RIC1: variants seen among roughly 807,000 people sequenced by gnomAD.
The protein encoded by RIC1 is RIC1 partner of RAB6A GEF complex.
RIC1 carries 88 observed loss-of-function variants against 169.0 expected under a neutral mutation model. The ratio of observed to expected loss-of-function variants is 0.52; its 90% CI spans 0.44 to 0.62. The LOEUF (loss-of-function observed/expected upper bound fraction) is 0.62. Ranked by LOEUF, RIC1 falls within the 20% of genes least tolerant of loss-of-function variation. RIC1 has a pLI of 0.00. For missense variants in RIC1, 1,877 were observed against 1,725.5 expected (o/e 1.09, Z -1.56); for synonymous variants, 790 against 601.5 (o/e 1.31, Z -4.59).
At chr9:5,765,617 G>A (rs755730017) in intron 20 of RIC1, 45 bp downstream of exon 20, 9 of 1,613,850 alleles carry the variant, frequency 5.6e-6, no homozygotes, top group Admixed American at 3.3e-5. Context: ...ATACACCCAC[G>A]TAGCATCTTT....
chr9:5,687,765 A>G (rs1267799366), intron 2 of RIC1, among the ~76,000 whole-genome samples: 4 of 152,214 alleles, frequency 2.6e-5, no homozygotes, highest in Non-Finnish European at 5.9e-5. Flanking sequence ...TCTTTTAAAG[A>G]AATTTAAGTG....
At position 5,765,465 on chromosome 9, in the gene RIC1, A is replaced by G. The variant is rs770547491; in HGVS notation, c.2893A>G (p.Thr965Ala). The G allele has an allele frequency of 1.5e-5, 25 of 1,614,076 alleles. No individual in the cohort carries two copies. The highest frequency in any genetic ancestry group is 1.6e-4 in the Middle Eastern group (1 of 6,080). The stretch of plus-strand genomic sequence containing the variant: ...GCAACATGCTACCCTTCTATTCAAC[A>G]CAGCACTAGAACAAGGCAAGTGGGA... Reference protein sequence around the residue: ...SRQHATLLFNTALEQGKWDLC... With the variant: ...SRQHATLLFNAALEQGKWDLC... The change falls in exon 20 of 26, where the codon ACA becomes GCA. Residue 965 changes from threonine to alanine, a missense_variant. Transcript: ENST00000414202.
chr9:5,725,506 C>T (rs1002340911), intron 6 of RIC1, among the ~76,000 whole-genome samples: 4 of 152,076 alleles, frequency 2.6e-5, no homozygotes, highest in Non-Finnish European at 5.9e-5. Flanking sequence ...TTCAAAAAAC[C>T]AGCTCCTGCA....
intron 2 of RIC1, among the ~76,000 whole-genome samples, chr9:5,669,043 G>T (rs145133776): frequency 0.016 from 2,369 of 152,316 alleles, 26 homozygotes; most frequent in Non-Finnish European, 0.024. Flanking sequence ...CTCAGAGATT[G>T]CTGGGGTTCT....
chr9:5,752,534 G>A (rs1001808702), intron 12 of RIC1, among the ~76,000 whole-genome samples: 2 of 151,054 alleles, frequency 1.3e-5, no homozygotes, highest in Admixed American at 6.6e-5. Context: ...TCTGCCTCCC[G>A]GGTTCAAGCG....
chr9:5,740,879 TTAAC>T (rs1261513289), intron 8 of RIC1, among the ~76,000 whole-genome samples: 1 of 152,130 alleles, frequency 6.6e-6, no homozygotes, highest in African/African-American at 2.4e-5. Flanking sequence ...ATTAGGATAT[TTAAC>T]TATTCATGTT....
chr9:5,717,253 T>C (rs184587672), intron 4 of RIC1, among the ~76,000 whole-genome samples: 59 of 152,312 alleles, frequency 3.9e-4, no homozygotes, highest in Non-Finnish European at 2.9e-5. Context: ...GTCAGACGAT[T>C]GTTGAGTTTT....
chr9:5,683,330 G>T (rs995976439), intron 2 of RIC1, among the ~76,000 whole-genome samples: 4 of 152,136 alleles, frequency 2.6e-5, no homozygotes, highest in Non-Finnish European at 5.9e-5. Flanking sequence ...TTTTGGTGTG[G>T]ATGTCCTTTC....
At chr9:5,723,804 A>G (rs1175827997) in intron 6 of RIC1, among the ~76,000 whole-genome samples, 1 of 152,206 alleles carries the variant, frequency 6.6e-6, no homozygotes, top group Admixed American at 6.5e-5. Context: ...AGCACCATTT[A>G]TTAAATAGAG....
chr9:5,683,133 C>G (rs570922173), intron 2 of RIC1, among the ~76,000 whole-genome samples: 1 of 152,086 alleles, frequency 6.6e-6, no homozygotes, highest in Non-Finnish European at 1.5e-5. Context: ...TTTTCTGAAG[C>G]CTTCTTTCAA....
At chr9:5,726,464 G>C (rs1392390517) in intron 6 of RIC1, among the ~76,000 whole-genome samples, 1 of 152,132 alleles carries the variant, frequency 6.6e-6, no homozygotes, top group African/African-American at 2.4e-5. Flanking sequence ...CGTAAGGTAG[G>C]TCTCCAGAAT....
At chr9:5,728,180 G>A (rs920887366) in intron 6 of RIC1, among the ~76,000 whole-genome samples, 6 of 152,208 alleles carry the variant, frequency 3.9e-5, no homozygotes, top group South Asian at 2.1e-4. Context: ...CTTGAGCTGC[G>A]GTGGGCTCCA....
intron 3 of RIC1, among the ~76,000 whole-genome samples, chr9:5,692,472 A>G (rs1387821668): frequency 6.6e-6 from 1 of 152,076 alleles, no homozygotes. Context: ...AGTAATTTTT[A>G]AATATATACA....
chr9:5,726,574 G>A (rs958982345), intron 6 of RIC1, among the ~76,000 whole-genome samples: 19 of 152,186 alleles, frequency 1.2e-4, no homozygotes, highest in Admixed American at 1.2e-3. Flanking sequence ...CTATTGTTAT[G>A]TGTGAATTTG....
intron 1 of RIC1, among the ~76,000 whole-genome samples, chr9:5,636,871 T>G (rs897126079): frequency 3.9e-5 from 6 of 152,196 alleles, no homozygotes; most frequent in Non-Finnish European, 8.8e-5. Context: ...ATTATAAGTT[T>G]CTGGAGCACA....
At chr9:5,675,230 G>T (rs1820370287) in intron 2 of RIC1, among the ~76,000 whole-genome samples, 1 of 152,166 alleles carries the variant, frequency 6.6e-6, no homozygotes. Context: ...CGGGAAAAAT[G>T]GTTATGGCAG....
At position 5,720,288 on chromosome 9, in the gene RIC1, A is replaced by T. The variant is rs1587014253; in HGVS notation, c.547A>T (p.Thr183Ser). The change falls in exon 5 of 26, where the codon ACA becomes TCA. Residue 183 changes from threonine to serine, a missense_variant. Physicochemically the swap from Thr to Ser is moderately conservative, Grantham distance 58. This residue lies in a region of RIC1 where 1,104 missense variants were observed against 992.0 expected (regional missense o/e 1.11). Coordinates refer to ENST00000414202, the MANE Select transcript of RIC1 (RefSeq NM_020829.4). The part of the protein sequence containing the change: ...TNGRKAINLC[T>S]VPFSVDLQSS... ...TGGAAGGAAAGCCATTAATCTTTGC[A>T]CAGTACCCTTTTCAGTAGACCTGCA... 1.2e-6 allele frequency: 2 copies of T among 1,613,794 alleles called. No homozygotes were observed. The highest frequency in any genetic ancestry group is 1.1e-5 in the South Asian group (1 of 91,030).
At chr9:5,734,645 G>A (rs562945334) in intron 7 of RIC1, among the ~76,000 whole-genome samples, 1 of 152,156 alleles carries the variant, frequency 6.6e-6, no homozygotes, top group South Asian at 2.1e-4. Context: ...TTCACAACTG[G>A]ATCAGTAAAT....
intron 8 of RIC1, among the ~76,000 whole-genome samples, chr9:5,739,983 G>C (rs1219673506): frequency 2.0e-5 from 3 of 152,144 alleles, no homozygotes; most frequent in African/African-American, 7.2e-5. Flanking sequence ...CACAATTTTA[G>C]CTCTTTCTCT....
Sources: allele counts gnomAD v4.1 joint callset (sites outside exome capture counted in the v4.1 genomes callset), GRCh38; gene constraint gnomAD v4.1.1; regional missense constraint gnomAD v4.1.1; transcripts MANE v1.5; gene names NCBI Gene and HGNC (gene_info 2026-07-23, HGNC 2026-07-21).